GOLGA6L9: variants seen among roughly 807,000 people sequenced by gnomAD.
GOLGA6L9 encodes golgin A6 family like 9.
In GOLGA6L9, 19 loss-of-function variants were observed where a neutral mutation model predicts 51.3. That is an observed-to-expected ratio of 0.37 (90% CI 0.26 to 0.54). The LOEUF is 0.54. Among genes scored for constraint, GOLGA6L9 ranks in the 20% least tolerant of loss-of-function variants. The probability of loss-of-function intolerance (pLI) is 0.83; values close to 1 mark genes in which losing one functional copy is unlikely to be tolerated. For missense variants in GOLGA6L9, 247 were observed against 464.1 expected (o/e 0.53, Z 4.30); for synonymous variants, 97 against 184.2 (o/e 0.53, Z 3.83).
chr15:82,435,373 G>C, intron 7 of GOLGA6L9: 1 of 322,510 alleles, frequency 3.1e-6, no homozygotes, highest in South Asian at 2.7e-5. Flanking sequence ...AGGCCTGGTG[G>C]TGCATGCCTG....
Position 82,431,922 on chromosome 15 carries a change from T to A in GOLGA6L9, c.177T>A (p.Thr59=). The A allele has an allele frequency of 5.2e-6, 7 of 1,352,208 alleles. 1 individual carries two copies. The highest frequency in any genetic ancestry group is 5.9e-6 in the Non-Finnish European group (6 of 1,022,624). 83.8% of individuals were successfully genotyped at this position (1,352,208 alleles called of 1,614,324 possible). ...KINGSSPDTF[T]SGGYHSPGDS... Reference sequence around the variant, plus strand: ...ATGGCAGTAGCCCTGACACATTCACTTCTGGTGGTTACCACTCACCTGGGG... The same window carrying A: ...ATGGCAGTAGCCCTGACACATTCACATCTGGTGGTTACCACTCACCTGGGG... The change falls in exon 2 of 9, where the codon ACT becomes ACA. Residue 59 remains threonine, a synonymous_variant. Coordinates refer to ENST00000618348, the MANE Select transcript of GOLGA6L9 (RefSeq NM_198181.4).
intron 4 of GOLGA6L9, among the ~76,000 whole-genome samples, chr15:82,433,320 G>A (rs1192080800): frequency 6.6e-6 from 1 of 151,932 alleles, no homozygotes; most frequent in African/African-American, 2.4e-5. Context: ...GAAAGTCAGA[G>A]ATTTAAAGGC....
upstream of GOLGA6L9, among the ~76,000 whole-genome samples, chr15:82,426,027 A>C (rs2031206860): frequency 1.2e-5 from 1 of 85,830 alleles, no homozygotes; most frequent in Non-Finnish European, 2.2e-5. Context: ...GTTTGTACAC[A>C]TGACCTTTTT....
At chr15:82,435,436 A>G (rs1398744512) in intron 7 of GOLGA6L9, 11 of 241,756 alleles carry the variant, frequency 4.6e-5, no homozygotes, top group East Asian at 2.6e-4. Flanking sequence ...AGCCCGGGAG[A>G]TGAAGGTTGC....
At position 82,436,765 on chromosome 15, in the gene GOLGA6L9, G is replaced by A. The variant is rs1177486980; in HGVS notation, c.*354G>A. The A allele has an allele frequency of 5.6e-6, 1 of 179,806 alleles. No homozygotes were observed. The highest frequency in any genetic ancestry group is 5.9e-5 in the Admixed American group (1 of 16,898). The allele number at this position is 179,806 out of a possible 1,614,324, so 11.1% of individuals were successfully genotyped here. A position where few individuals can be genotyped will look rare whatever the true frequency, so the allele number is the denominator to read the frequency against. The stretch of plus-strand genomic sequence containing the variant: ...GGACGTTAGCATGCATATCGAGTTT[G>A]CCCTTATGTGGTGGGAGTTCAAACA... On this transcript the variant is annotated 3_prime_UTR_variant, in exon 9 of 9. Coordinates refer to ENST00000618348, the MANE Select transcript of GOLGA6L9 (RefSeq NM_198181.4).
At chr15:82,433,386 A>G (rs1327526844) in intron 4 of GOLGA6L9, among the ~76,000 whole-genome samples, 176 bp from the exon 5 acceptor site, 2 of 152,022 alleles carry the variant, frequency 1.3e-5, no homozygotes, top group Non-Finnish European at 2.9e-5. Flanking sequence ...GCTGTTTTAT[A>G]TCTCTGCTAT....
Position 82,432,620 on chromosome 15 carries a change from C to T in GOLGA6L9, c.253C>T (p.Gln85Ter). Residue 85 changes from glutamine to a stop codon, truncating the protein, a stop_gained, in exon 3 of 9, where the codon CAG (glutamine) becomes TAG (stop). Transcript: ENST00000618348. LOFTEE classifies it high-confidence loss of function. ...GGGCCGTGCATCCTCTACTACCCTG[C>T]AGGATCTGGAGGTAAGAGGCCCTGG... ...GEGRASSTTLQDLESQYQELA... is the reference protein window; with the variant it reads ...GEGRASSTTL 6.2e-7 allele frequency: 1 copy of T among 1,604,482 alleles called. No homozygotes were observed. Among genetic ancestry groups the T allele is most frequent in the Non-Finnish European group, 8.5e-7 (1 of 1,179,368 alleles).
chr15:82,429,061 T>C (rs1222111371), upstream of GOLGA6L9, among the ~76,000 whole-genome samples: 7 of 152,052 alleles, frequency 4.6e-5, no homozygotes, highest in Non-Finnish European at 1.0e-4. Flanking sequence ...CTACTTATTT[T>C]GTATCTTATT....
the GOLGA6L9 span, among the ~76,000 whole-genome samples, chr15:82,417,458 G>A: frequency 6.6e-6 from 1 of 152,134 alleles, no homozygotes; most frequent in East Asian, 1.9e-4. Flanking sequence ...TTAAGGAAAA[G>A]TTTACTTATC....
the GOLGA6L9 span, among the ~76,000 whole-genome samples, chr15:82,418,369 A>T: frequency 6.6e-6 from 1 of 152,132 alleles, no homozygotes; most frequent in African/African-American, 2.4e-5. Context: ...GTGTGGGCAG[A>T]GCCCCGGAGG....
rs1439585729 is a variant in GOLGA6L9, at chr15:82,429,982, G to C, written c.-98G>C. ...CATTAAGGCCACGCCCCTATTCTGCGTTCCATTGGTGCCCTGGTTACGCCA... is the reference window on the plus strand; with the variant it reads ...CATTAAGGCCACGCCCCTATTCTGCCTTCCATTGGTGCCCTGGTTACGCCA... On this transcript the variant is annotated 5_prime_UTR_variant, in exon 1 of 9. Coordinates refer to ENST00000618348, the MANE Select transcript of GOLGA6L9 (RefSeq NM_198181.4). 2.6e-5 allele frequency: 24 copies of C among 920,144 alleles called. No individual in the cohort carries two copies. The East Asian group carries it at 5.3e-4, about 20-fold the overall frequency. 57.0% of individuals were successfully genotyped at this position (920,144 alleles called of 1,614,324 possible).
At position 82,434,040 on chromosome 15, in the gene GOLGA6L9, C is replaced by A. The variant is rs1203351204; in HGVS notation, c.440C>A (p.Pro147His). ...TCTCTGCTTGCTTTCTCAGCTGAAC[C>A]CCTGGCCCCACAGCCCCCAGCAGGG... is the stretch of plus-strand genomic sequence containing the variant. ...LFKLKNQTAE[P>H]LAPQPPAGPS... The change falls in exon 6 of 9, where the codon CCC (proline) becomes CAC (histidine). Residue 147 changes from proline to histidine, a missense_variant. Pro to His is a moderately conservative substitution (Grantham distance 77, BLOSUM62 -2). Around this residue, in one of 9 missense-constraint regions of GOLGA6L9, gnomAD observed 25 missense variants for 49.6 expected, o/e 0.50. Transcript: ENST00000618348. 34 of 1,531,972 alleles carry A rather than the reference C, an allele frequency of 2.2e-5. No individual in the cohort carries two copies. In the South Asian group the frequency reaches 3.1e-4, roughly 14 times the overall value. The allele number at this position is 1,531,972 out of a possible 1,614,324, so 94.9% of individuals were successfully genotyped here.
In GOLGA6L9 at chr15:82,434,920, G is replaced by C; in HGVS notation, c.1054G>C (p.Glu352Gln). Residue 352 changes from glutamate (E) to glutamine (Q), a missense_variant, in exon 7 of 9, where the codon GAG (glutamate) becomes CAG (glutamine). Glu to Gln is a conservative substitution (Grantham distance 29, BLOSUM62 2). This residue lies in a region of GOLGA6L9 where 12 missense variants were observed against 89.4 expected (regional missense o/e 0.13). Coordinates refer to ENST00000618348, the MANE Select transcript of GOLGA6L9 (RefSeq NM_198181.4). ...LQLEQQVKEL[E>Q]KSGGAEEPRG... ...GTTGGAGCAGCAAGTAAAGGAGCTG[G>C]AGAAGTCGGGTGAGCTGAAAGAGAC... 1 of 1,434,220 alleles carries C rather than the reference G, an allele frequency of 7.0e-7. No homozygotes were observed. Among genetic ancestry groups the C allele is most frequent in the Non-Finnish European group, 9.4e-7 (1 of 1,066,296 alleles). The allele number at this position is 1,434,220 out of a possible 1,614,324, so 88.8% of individuals were successfully genotyped here. A position where few individuals can be genotyped will look rare whatever the true frequency, so the allele number is the denominator to read the frequency against.
chr15:82,438,754 C>T lies in GOLGA6L9; in HGVS notation c.*2343C>T, dbSNP rs1306122954. On this transcript the variant is annotated 3_prime_UTR_variant, in exon 9 of 9. Transcript: ENST00000618348. Reference sequence around the variant, plus strand: ...AAATGAAAAACAATCAGTTCTAAAACCAAAGCTGATTTTTAGAAAATGTGA... The same window carrying T: ...AAATGAAAAACAATCAGTTCTAAAATCAAAGCTGATTTTTAGAAAATGTGA... The T allele has an allele frequency of 1.8e-3, 208 of 118,646 alleles. 2 individuals carry two copies. Among genetic ancestry groups the T allele is most frequent in the African/African-American group, 6.8e-3 (198 of 29,208 alleles). 7.3% of individuals were successfully genotyped at this position (118,646 alleles called of 1,614,324 possible). A position where few individuals can be genotyped will look rare whatever the true frequency, so the allele number is the denominator to read the frequency against.
At chr15:82,428,954 C>A (rs2031290797), upstream of GOLGA6L9, among the ~76,000 whole-genome samples, 1 of 151,306 alleles carries the variant, frequency 6.6e-6, no homozygotes, top group Non-Finnish European at 1.5e-5. Flanking sequence ...ATTTGCAAGG[C>A]CTAGAGTGGC....
At chr15:82,419,229 A>C in the GOLGA6L9 span, 1 of 257,524 alleles carries the variant, frequency 3.9e-6, no homozygotes, top group Non-Finnish European at 7.8e-6. Flanking sequence ...GTGGAGGAGC[A>C]TTATGTATGG....
In GOLGA6L9 at chr15:82,429,873, G is replaced by A; in HGVS notation, c.-207G>A. On this transcript the variant is annotated 5_prime_UTR_variant, in exon 1 of 9. It removes an upstream start codon present in the reference 5' UTR. Coordinates refer to ENST00000618348, the MANE Select transcript of GOLGA6L9 (RefSeq NM_198181.4). ...CGGTTGCATGGGCAGCTTTCCTTAT[G>A]ATGCTACAGGTCCCTCTGGACATGC... 1 of 746,548 alleles carries A rather than the reference G, an allele frequency of 1.3e-6. No individual in the cohort carries two copies. The allele number at this position is 746,548 out of a possible 1,614,324, so 46.2% of individuals were successfully genotyped here. A position where few individuals can be genotyped will look rare whatever the true frequency, so the allele number is the denominator to read the frequency against.
At chr15:82,418,892 T>C in the GOLGA6L9 span, 1 of 152,216 alleles carries the variant, frequency 6.6e-6, no homozygotes, top group Non-Finnish European at 1.5e-5. Context: ...TTTAAGGAAA[T>C]GGGTTCTTCT....
the GOLGA6L9 span, among the ~76,000 whole-genome samples, chr15:82,416,542 G>C: frequency 3.3e-5 from 5 of 152,162 alleles, no homozygotes; most frequent in Non-Finnish European, 7.3e-5. Flanking sequence ...AACCTACATT[G>C]GTGTGGTAGT....
Sources: gnomAD v4.1 joint callset for allele counts (sites outside exome capture counted in the v4.1 genomes callset) on GRCh38, gnomAD v4.1.1 for gene constraint, gnomAD v4.1.1 regional missense constraint, MANE v1.5 for transcripts, NCBI Gene and HGNC (gene_info 2026-07-23, HGNC 2026-07-21) for gene names.